The following BBOF1 variants were observed in gnomAD, a reference collection of about 807,000 sequenced individuals.
The protein encoded by BBOF1 is basal body orientation factor 1.
Under a neutral mutation model 68.0 loss-of-function variants are expected in BBOF1, and 62 were observed. That is an observed-to-expected ratio of 0.91 (90% CI 0.74 to 1.13). The LOEUF (loss-of-function observed/expected upper bound fraction) is 1.13, where lower values mean the gene tolerates loss of function less well. Among genes scored for constraint, BBOF1 ranks in the 50% most tolerant of loss-of-function variants. BBOF1 has a pLI of 0.00. For synonymous variants in BBOF1, 208 were observed against 198.8 expected, an observed-to-expected ratio of 1.05 and a Z score of -0.39; for missense variants, 534 against 600.1, an observed-to-expected ratio of 0.89 and a Z score of 1.15.
intron 9 of BBOF1, chr14:74,071,181 A>C (rs371365636): frequency 1.2e-6 from 2 of 1,611,424 alleles, no homozygotes; most frequent in Non-Finnish European, 1.7e-6. Context: ...AGCCATATGC[A>C]TAAGGGCAGT....
rs1000311168 is a variant in BBOF1 at position 74,025,011 on chromosome 14, G to A, written c.285+1867G>A. On this transcript the variant is annotated intron_variant, in intron 2 of 11. Transcript: ENST00000394009. ...TGGAACTCCTGGCCTTGAGTGATCCGCCCACCTCACCCTCCCAAAGTGTTG... is the reference window on the plus strand; with the variant it reads ...TGGAACTCCTGGCCTTGAGTGATCCACCCACCTCACCCTCCCAAAGTGTTG... 6.6e-5 allele frequency among the ~76,000 whole-genome samples: 10 copies of A among 151,664 alleles called. No individual in the cohort carries two copies. The East Asian group carries it at 7.7e-4, about 12-fold the overall frequency.
At chr14:74,043,586 A>G (rs1350084569) in intron 5 of BBOF1, among the ~76,000 whole-genome samples, 1 of 141,804 alleles carries the variant, frequency 7.1e-6, no homozygotes, top group Non-Finnish European at 1.5e-5. Context: ...AAAAAAAAAG[A>G]CAGAGTCTCA....
At chr14:74,021,479 A>G (rs1488733414) in intron 1 of BBOF1, among the ~76,000 whole-genome samples, 1 of 152,052 alleles carries the variant, frequency 6.6e-6, no homozygotes, top group East Asian at 1.9e-4. Flanking sequence ...AGTCACAGTT[A>G]CTTAGGAGGC....
At chr14:74,066,761 C>G, downstream of BBOF1, 4 of 1,614,080 alleles carry the variant, frequency 2.5e-6, no homozygotes, top group Non-Finnish European at 3.4e-6. Context: ...TAGCCTTTCA[C>G]TTTAATTTTT....
intron 9 of BBOF1, among the ~76,000 whole-genome samples, chr14:74,072,877 G>A (rs1291726907): frequency 6.6e-6 from 1 of 151,774 alleles, no homozygotes; most frequent in Non-Finnish European, 1.5e-5. Context: ...TCGGCTCACT[G>A]CAACCTCTGA....
At chr14:74,050,943 A>C (rs2060054002) in intron 8 of BBOF1, among the ~76,000 whole-genome samples, 1 of 151,862 alleles carries the variant, frequency 6.6e-6, no homozygotes, top group African/African-American at 2.4e-5. Flanking sequence ...ACCCTGTCCC[A>C]CTAAAAATAC....
chr14:74,040,619 C>T lies in BBOF1; in HGVS notation c.550C>T (p.Leu184=). The T allele has an allele frequency of 6.3e-7, 1 of 1,591,252 alleles. No individual in the cohort carries two copies. The highest frequency in any genetic ancestry group is 1.2e-5 in the South Asian group (1 of 85,910). Residue 184 remains leucine, a synonymous_variant, in exon 5 of 12, where the codon CTG becomes TTG. Coordinates refer to ENST00000394009, the MANE Select transcript of BBOF1 (RefSeq NM_025057.3). ...GATACATCAGGAGACTCTTAGAAGACTGGAAAGCAGATTTTTTGAAGAAAA... is the reference window on the plus strand; with the variant it reads ...GATACATCAGGAGACTCTTAGAAGATTGGAAAGCAGATTTTTTGAAGAAAA... The part of the protein sequence containing the change: ...ERIHQETLRR[L]ESRFFEEKHR...
Position 74,034,083 on chromosome 14 carries a change from C to G in BBOF1, c.407C>G (p.Ala136Gly). ...NELEGQFHQK[A>G]KEIGMIHTEL... ...CTAGAGGGACAGTTCCATCAAAAAG[C>G]CAAAGAAATTGGCATGATTCACACA... The change falls in exon 4 of 12, where the codon GCC becomes GGC. Residue 136 changes from alanine to glycine, a missense_variant. Ala to Gly is a moderately conservative substitution (Grantham distance 60, BLOSUM62 0). Transcript: ENST00000394009. 5 of 1,607,584 alleles carry G rather than the reference C, an allele frequency of 3.1e-6. No individual in the cohort carries two copies. Among genetic ancestry groups the G allele is most frequent in the Non-Finnish European group, 4.2e-6 (5 of 1,177,196 alleles).
rs775956231 is a variant in BBOF1, at chr14:74,034,127, C to G, written c.451C>G (p.Gln151Glu). Residue 151 changes from glutamine to glutamate, a missense_variant, in exon 4 of 12, where the codon CAA becomes GAA. Transcript: ENST00000394009. ...MIHTELKAVR[Q>E]FQKRKIQVER... ...TCACACAGAGCTGAAAGCAGTAAGA[C>G]AATTCCAGAAGAGAAAAATCCAAGT... 6.3e-7 allele frequency: 1 copy of G among 1,594,436 alleles called. No individual in the cohort carries two copies. Among genetic ancestry groups the G allele is most frequent in the Non-Finnish European group, 8.5e-7 (1 of 1,171,338 alleles).
intron 2 of BBOF1, among the ~76,000 whole-genome samples, chr14:74,023,991 A>G (rs942107963): frequency 3.3e-5 from 5 of 151,912 alleles, no homozygotes; most frequent in Non-Finnish European, 5.9e-5. Context: ...GAGCCACTAC[A>G]ATGTACTATA....
At chr14:74,025,970 T>C (rs1045853388) in intron 2 of BBOF1, among the ~76,000 whole-genome samples, 3 of 151,182 alleles carry the variant, frequency 2.0e-5, no homozygotes, top group African/African-American at 7.3e-5. Flanking sequence ...TGAAACCCCA[T>C]CTCTACTAGA....
chr14:74,025,901 G>A (rs974624390), intron 2 of BBOF1, among the ~76,000 whole-genome samples: 2 of 142,732 alleles, frequency 1.4e-5, no homozygotes, highest in African/African-American at 2.5e-5. Flanking sequence ...GCTGAGTGGC[G>A]GGGTGGGGGG....
At chr14:74,074,493 G>T (rs914246037) in intron 9 of BBOF1, among the ~76,000 whole-genome samples, 1 of 148,350 alleles carries the variant, frequency 6.7e-6, no homozygotes, top group Non-Finnish European at 1.5e-5. Flanking sequence ...CCCCATGTTG[G>T]CCAGGATGGT....
intron 11 of BBOF1, among the ~76,000 whole-genome samples, chr14:74,064,357 TCAA>T (rs1220650150): frequency 4.0e-5 from 6 of 151,432 alleles, no homozygotes; most frequent in African/African-American, 1.5e-4. Flanking sequence ...AAGAACGTGC[TCAA>T]CAACATTTTT....
chr14:74,060,406 T>C lies in BBOF1; in HGVS notation c.1578+3148T>C, dbSNP rs2060313421. The stretch of plus-strand genomic sequence containing the variant: ...GCACTACTTTCAGATAAGCATTTCA[T>C]AGTTACAACAGTTACCTCAAAATAG... On this transcript the variant is annotated intron_variant, in intron 11 of 11. Transcript: ENST00000394009. 18 of 510,514 alleles carry C rather than the reference T, an allele frequency of 3.5e-5. No individual in the cohort carries two copies. In the South Asian group the frequency reaches 3.8e-4, roughly 11 times the overall value. The allele number at this position is 510,514 out of a possible 1,614,324, so 31.6% of individuals were successfully genotyped here.
exon 10 of BBOF1, chr14:74,078,346 T>A (rs531109492): frequency 6.3e-5 from 27 of 431,186 alleles, no homozygotes; most frequent in African/African-American, 5.4e-4. Flanking sequence ...GTGGACTGGA[T>A]GAAGAGGTAT....
intron 2 of BBOF1, among the ~76,000 whole-genome samples, chr14:74,026,068 G>A (rs1451597323): frequency 6.6e-6 from 1 of 151,432 alleles, no homozygotes; most frequent in African/African-American, 2.4e-5. Context: ...TTGAACCCAG[G>A]TGGCAGAGGT....
downstream of BBOF1, among the ~76,000 whole-genome samples, chr14:74,070,091 T>C (rs1239739969): frequency 1.3e-5 from 2 of 152,026 alleles, no homozygotes; most frequent in East Asian, 3.9e-4. Flanking sequence ...TCCGCCTGCC[T>C]TCACCTCCCA....
At chr14:74,060,562 T>G in intron 11 of BBOF1, 1 of 1,053,156 alleles carries the variant, frequency 9.5e-7, no homozygotes, top group Non-Finnish European at 1.5e-6. Flanking sequence ...CGATCTGATC[T>G]GAGCAAAGCT....
Sources: gnomAD v4.1 joint callset for allele counts (sites outside exome capture counted in the v4.1 genomes callset) on GRCh38, gnomAD v4.1.1 for gene constraint, MANE v1.5 for transcripts, NCBI Gene and HGNC (gene_info 2026-07-23, HGNC 2026-07-21) for gene names.